The following CRIPTO variants were observed in gnomAD, a reference collection of about 807,000 sequenced individuals.
CRIPTO encodes the protein cripto, EGF-CFC family member.
the CRIPTO span, chr3:46,577,717 G>C: frequency 1.9e-6 from 1 of 516,696 alleles, no homozygotes; most frequent in Non-Finnish European, 3.5e-6. Flanking sequence ...GTTTGTTGTT[G>C]AAGAAGGAGA....
At chr3:46,576,191 C>T in the CRIPTO span, among the ~76,000 whole-genome samples, 5 of 152,144 alleles carry the variant, frequency 3.3e-5, no homozygotes, top group East Asian at 3.8e-4. Context: ...TGTGTAAGGC[C>T]GGGCGCGGTA....
the CRIPTO span, among the ~76,000 whole-genome samples, chr3:46,575,003 G>C: frequency 6.6e-6 from 1 of 152,148 alleles, no homozygotes; most frequent in East Asian, 1.9e-4. Context: ...GGATGAGATG[G>C]GCTGCCTGTG....
At chr3:46,579,056 C>G in the CRIPTO span, 3 of 1,612,166 alleles carry the variant, frequency 1.9e-6, no homozygotes, top group Non-Finnish European at 2.5e-6. Flanking sequence ...GTTTTATTTC[C>G]TTTGTTTGGC....
At chr3:46,581,101 G>T in the CRIPTO span, 2 of 1,544,762 alleles carry the variant, frequency 1.3e-6, no homozygotes, top group Non-Finnish European at 1.8e-6. Flanking sequence ...AGAGAGGTTT[G>T]CTTTAATGAC....
the CRIPTO span, chr3:46,579,927 A>T: frequency 6.2e-7 from 1 of 1,614,158 alleles, no homozygotes; most frequent in Non-Finnish European, 8.5e-7. Flanking sequence ...ACCCAAGGCT[A>T]TCGCCTTACC....
At chr3:46,579,004 T>C in the CRIPTO span, 8 of 1,375,844 alleles carry the variant, frequency 5.8e-6, no homozygotes, top group Middle Eastern at 2.3e-4. Flanking sequence ...TGATCTGTGG[T>C]CTTGTCCTTG....
the CRIPTO span, among the ~76,000 whole-genome samples, chr3:46,576,812 G>A: frequency 6.6e-6 from 1 of 152,120 alleles, no homozygotes; most frequent in Admixed American, 6.6e-5. Context: ...GAAATGTTAG[G>A]TGAGGCGACT....
chr3:46,579,693 C>A, the CRIPTO span: 1 of 1,594,946 alleles, frequency 6.3e-7, no homozygotes, highest in South Asian at 1.1e-5. Flanking sequence ...ATTGCCCTTG[C>A]ACTTTTCCAT....
chr3:46,579,408 A>C, the CRIPTO span: 1 of 1,613,844 alleles, frequency 6.2e-7, no homozygotes. Context: ...CTGGCCCTTC[A>C]TGTGTCTCCT....
chr3:46,577,952 C>T, the CRIPTO span: 5 of 1,614,034 alleles, frequency 3.1e-6, no homozygotes, highest in South Asian at 3.3e-5. Flanking sequence ...CCTCTTTTCC[C>T]CCTAATTGTT....
the CRIPTO span, chr3:46,579,694 A>G: frequency 3.1e-6 from 5 of 1,598,492 alleles, no homozygotes; most frequent in South Asian, 4.4e-5. Context: ...TTGCCCTTGC[A>G]CTTTTCCATC....
chr3:46,581,158 G>C, the CRIPTO span: 3 of 1,614,058 alleles, frequency 1.9e-6, no homozygotes, highest in African/African-American at 1.3e-5. Flanking sequence ...TGAGCACCTC[G>C]TGGCTTCCAG....
chr3:46,575,931 T>C, the CRIPTO span, among the ~76,000 whole-genome samples: 6 of 152,170 alleles, frequency 3.9e-5, no homozygotes, highest in Non-Finnish European at 8.8e-5. Context: ...GCTAGCCTTC[T>C]CCTTTGCGGA....
At chr3:46,580,154 C>A in the CRIPTO span, 1 of 1,534,746 alleles carries the variant, frequency 6.5e-7, no homozygotes, top group South Asian at 1.2e-5. Flanking sequence ...TACCTCTTGT[C>A]TTGCTAGAGC....
the CRIPTO span, chr3:46,580,122 C>G: frequency 8.1e-6 from 13 of 1,609,130 alleles, no homozygotes; most frequent in African/African-American, 1.3e-5. Flanking sequence ...TTGGGGGGTG[C>G]TTAGTTAGCA....
At chr3:46,578,986 C>A in the CRIPTO span, 1 of 1,250,136 alleles carries the variant, frequency 8.0e-7, no homozygotes, top group Non-Finnish European at 1.2e-6. Context: ...TCTACAATTT[C>A]TTTTCAGTGA....
the CRIPTO span, chr3:46,577,881 G>A: frequency 1.5e-6 from 2 of 1,365,688 alleles, no homozygotes; most frequent in African/African-American, 2.9e-5. Context: ...TTTCGCTTTA[G>A]GAGATGAATG....
At chr3:46,579,019 G>A in the CRIPTO span, 2 of 1,513,038 alleles carry the variant, frequency 1.3e-6, no homozygotes, top group Non-Finnish European at 1.8e-6. Context: ...TCCTTGTGAT[G>A]AGAGGACCTG....
At chr3:46,579,281 C>G in the CRIPTO span, 1 of 1,614,170 alleles carries the variant, frequency 6.2e-7, no homozygotes, top group Non-Finnish European at 8.5e-7. Context: ...ACCTGGCCTT[C>G]AGAGATGACA....
Sources: gnomAD v4.1 joint callset for allele counts (sites outside exome capture counted in the v4.1 genomes callset) on GRCh38, gnomAD v4.1.1 for gene constraint, MANE v1.5 for transcripts, NCBI Gene and HGNC (gene_info 2026-07-23, HGNC 2026-07-21) for gene names.